The following TACR1 variants were observed in gnomAD, a reference collection of about 807,000 sequenced individuals.
TACR1 encodes the protein tachykinin receptor 1.
TACR1 carries 25 observed loss-of-function variants against 35.8 expected under a neutral mutation model. That is an observed-to-expected ratio of 0.70 (90% confidence interval 0.51 to 0.98). TACR1 has a LOEUF of 0.98. Among genes scored for constraint, TACR1 ranks in the 50% least tolerant of loss-of-function variants. TACR1 has a pLI of 0.00. For missense variants in TACR1, 478 were observed against 522.9 expected (o/e 0.91, Z 0.84); for synonymous variants, 195 against 206.7 (o/e 0.94, Z 0.48).
At chr2:75,148,189 T>C (rs192109443) in intron 1 of TACR1, among the ~76,000 whole-genome samples, 19 of 152,336 alleles carry the variant, frequency 1.2e-4, no homozygotes, top group African/African-American at 4.6e-4. Context: ...TACGTATGCA[T>C]GTATCTTTAT....
intron 1 of TACR1, among the ~76,000 whole-genome samples, chr2:75,182,351 G>A (rs1485648310): frequency 6.6e-6 from 1 of 152,124 alleles, no homozygotes; most frequent in Admixed American, 6.5e-5. Context: ...CAAAGGGCAG[G>A]CAACTGTAAA....
intron 2 of TACR1, among the ~76,000 whole-genome samples, chr2:75,063,822 T>C (rs2103801880): frequency 6.6e-6 from 1 of 152,330 alleles, no homozygotes; most frequent in African/African-American, 2.4e-5. Flanking sequence ...AAATGAACCC[T>C]TAATAGTGGC....
chr2:75,118,350 A>C (rs528036210), intron 2 of TACR1, among the ~76,000 whole-genome samples: 345 of 152,356 alleles, frequency 2.3e-3, no homozygotes, highest in African/African-American at 8.0e-3. Context: ...TTGTATCAAT[A>C]AACATGTTAC....
chr2:75,167,477 A>T (rs60435282), intron 1 of TACR1, among the ~76,000 whole-genome samples: 7,140 of 152,284 alleles, frequency 0.047, 353 homozygotes, highest in African/African-American at 0.12. Flanking sequence ...ACTGTAATAA[A>T]ATGCCTAGAA....
rs1195715045 is a variant in TACR1 at position 75,051,267 on chromosome 2, A to G, written c.916T>C (p.Cys306Arg). ...SSTMYNPIIY[C>R]CLNDRFRLGF... ...GATCCTCACCTGTCATTGAGGCAGC[A>G]GTAGATGATGGGGTTGTACATGGTG... Residue 306 changes from cysteine to arginine, a missense_variant, in exon 4 of 5, where the codon TGC becomes CGC. Cys to Arg is a radical substitution (Grantham distance 180). Transcript: ENST00000305249. The G allele has an allele frequency of 1.1e-5, 17 of 1,614,200 alleles. No homozygotes were observed. The highest frequency in any genetic ancestry group is 1.4e-5 in the Non-Finnish European group (16 of 1,180,032).
At chr2:75,093,731 A>G (rs938552648) in intron 2 of TACR1, among the ~76,000 whole-genome samples, 1 of 152,262 alleles carries the variant, frequency 6.6e-6, no homozygotes, top group East Asian at 1.9e-4. Context: ...GTCATTTATA[A>G]ATAAGAATAA....
intron 2 of TACR1, among the ~76,000 whole-genome samples, chr2:75,097,102 A>G (rs1310050577): frequency 6.6e-6 from 1 of 152,236 alleles, no homozygotes; most frequent in Non-Finnish European, 1.5e-5. Flanking sequence ...TGCACTTCTG[A>G]GAGACTAGCC....
Position 75,106,521 on chromosome 2 carries a change from A to G in TACR1, c.584+14053T>C, listed in dbSNP as rs560175218. Among the ~76,000 whole-genome samples the G allele has an allele frequency of 3.2e-4, 49 of 152,174 alleles. 1 individual carries two copies. The South Asian group carries it at 3.7e-3, about 12-fold the overall frequency. On this transcript the variant is annotated intron_variant, in intron 2 of 4. Transcript: ENST00000305249. ...GTTACTACACTTTGAGAATGCTGAC[A>G]TATATTGTAGAACACACAGGTTATA...
chr2:75,169,665 A>G (rs1042545721), intron 1 of TACR1, among the ~76,000 whole-genome samples: 3 of 152,158 alleles, frequency 2.0e-5, no homozygotes, highest in Non-Finnish European at 2.9e-5. Flanking sequence ...ATTTTTTTCC[A>G]TTGATGTTAC....
chr2:75,185,304 C>T (rs1431281612), intron 1 of TACR1, among the ~76,000 whole-genome samples: 1 of 151,754 alleles, frequency 6.6e-6, no homozygotes, highest in Non-Finnish European at 1.5e-5. Context: ...GCATATTTGC[C>T]TACTTTTGAG....
At chr2:75,104,508 G>A (rs373779034) in intron 2 of TACR1, among the ~76,000 whole-genome samples, 3 of 151,922 alleles carry the variant, frequency 2.0e-5, no homozygotes, top group Non-Finnish European at 4.4e-5. Flanking sequence ...AGGAAACATA[G>A]GACTTGAAAC....
At chr2:75,124,494 A>G (rs948264988) in intron 1 of TACR1, among the ~76,000 whole-genome samples, 2 of 152,166 alleles carry the variant, frequency 1.3e-5, no homozygotes, top group African/African-American at 4.8e-5. Flanking sequence ...AGTTTCCTTT[A>G]AGGGACCACA....
intron 2 of TACR1, among the ~76,000 whole-genome samples, chr2:75,068,354 C>T (rs941903940): frequency 6.6e-6 from 1 of 152,116 alleles, no homozygotes; most frequent in Non-Finnish European, 1.5e-5. Flanking sequence ...AAAGCCAACT[C>T]TTTGTAAATG....
chr2:75,052,564 A>G (rs992148027), intron 3 of TACR1, among the ~76,000 whole-genome samples: 1 of 152,236 alleles, frequency 6.6e-6, no homozygotes, highest in Non-Finnish European at 1.5e-5. Flanking sequence ...AAAGAAAAAA[A>G]AAAGGAATGA....
chr2:75,110,707 A>C (rs1232332625), intron 2 of TACR1, among the ~76,000 whole-genome samples: 1 of 151,826 alleles, frequency 6.6e-6, no homozygotes, highest in African/African-American at 2.4e-5. Context: ...TAACAGTTGT[A>C]TAGTTTTTTG....
intron 2 of TACR1, among the ~76,000 whole-genome samples, chr2:75,108,564 T>C (rs1053644260): frequency 3.9e-5 from 6 of 152,162 alleles, no homozygotes; most frequent in Admixed American, 6.5e-5. Flanking sequence ...GGTGAAGTAT[T>C]GTAGGTGTTT....
intron 1 of TACR1, among the ~76,000 whole-genome samples, chr2:75,150,625 G>C (rs1485879326): frequency 1.3e-5 from 2 of 152,156 alleles, no homozygotes; most frequent in Non-Finnish European, 2.9e-5. Flanking sequence ...TTTCTTCCCA[G>C]TCTTGGGTAT....
At chr2:75,183,603 G>A (rs897753415) in intron 1 of TACR1, among the ~76,000 whole-genome samples, 2 of 152,174 alleles carry the variant, frequency 1.3e-5, no homozygotes, top group Non-Finnish European at 2.9e-5. Flanking sequence ...AAAAGATGGA[G>A]TACCGAAGTT....
intron 2 of TACR1, among the ~76,000 whole-genome samples, chr2:75,117,116 T>C (rs1673880373): frequency 7.1e-6 from 1 of 140,448 alleles, no homozygotes; most frequent in African/African-American, 2.8e-5. Flanking sequence ...CCTCATAATA[T>C]TTATTGACTT....
Sources: allele counts gnomAD v4.1 joint callset (sites outside exome capture counted in the v4.1 genomes callset), GRCh38; gene constraint gnomAD v4.1.1; transcripts MANE v1.5; gene names NCBI Gene and HGNC (gene_info 2026-07-23, HGNC 2026-07-21).